The following ASIC2 variants were observed in gnomAD, a reference collection of about 807,000 sequenced individuals.
The protein encoded by ASIC2 is acid-sensing ion channel 2.
A neutral mutation model predicts 57.3 loss-of-function variants in ASIC2; 25 were observed. The ratio of observed to expected loss-of-function variants is 0.44; its 90% confidence interval spans 0.32 to 0.61. The LOEUF (loss-of-function observed/expected upper bound fraction) is 0.61. ASIC2 is among the 20% of genes least tolerant of loss of function. ASIC2 has a pLI of 0.06. For synonymous variants in ASIC2, 319 were observed against 307.5 expected (o/e 1.04, Z -0.39); for missense variants, 641 against 738.1 (o/e 0.87, Z 1.52).
chr17:34,067,120 A>G (rs1007109959), intron 1 of ASIC2, among the ~76,000 whole-genome samples: 3 of 152,202 alleles, frequency 2.0e-5, no homozygotes, highest in Non-Finnish European at 2.9e-5. Context: ...ACATTGTGTC[A>G]CATTTCTTTG....
At chr17:34,035,247 C>G (rs1395990968) in intron 1 of ASIC2, among the ~76,000 whole-genome samples, 2 of 145,054 alleles carry the variant, frequency 1.4e-5, no homozygotes, top group Admixed American at 6.8e-5. Context: ...CTGACAGAAA[C>G]AAGCAATGGG....
At chr17:33,882,683 T>C (rs1914733703) in intron 1 of ASIC2, among the ~76,000 whole-genome samples, 1 of 152,184 alleles carries the variant, frequency 6.6e-6, no homozygotes, top group Non-Finnish European at 1.5e-5. Context: ...AGTTCAACCA[T>C]TGTGGAAGAC....
intron 1 of ASIC2, chr17:34,006,899 G>A (rs1264328576): frequency 6.6e-6 from 1 of 152,098 alleles, no homozygotes; most frequent in African/African-American, 2.4e-5. Context: ...ATTTGGTCAA[G>A]GTCTACTCTG....
At chr17:33,781,607 A>G (rs571232849) in intron 1 of ASIC2, among the ~76,000 whole-genome samples, 1 of 152,320 alleles carries the variant, frequency 6.6e-6, no homozygotes, top group Non-Finnish European at 1.5e-5. Context: ...TTTCAAGGAC[A>G]CAGAGCGAAC....
chr17:33,987,206 G>T (rs1905847855), intron 1 of ASIC2, among the ~76,000 whole-genome samples: 1 of 152,090 alleles, frequency 6.6e-6, no homozygotes, highest in Non-Finnish European at 1.5e-5. Context: ...GTCAGGCAAG[G>T]TGCAGTTTTG....
intron 1 of ASIC2, among the ~76,000 whole-genome samples, chr17:33,560,707 A>G (rs1212035968): frequency 6.6e-6 from 1 of 152,208 alleles, no homozygotes; most frequent in East Asian, 1.9e-4. Context: ...CAGGAGACAG[A>G]AATTCACATT....
chr17:33,133,329 T>A (rs2142009152), intron 1 of ASIC2, among the ~76,000 whole-genome samples: 1 of 152,236 alleles, frequency 6.6e-6, no homozygotes, highest in East Asian at 1.9e-4. Context: ...GTGAGCGTGC[T>A]GGCGGAATTG....
intron 1 of ASIC2, among the ~76,000 whole-genome samples, chr17:33,865,770 A>C (rs867224253): frequency 0.18 from 15,341 of 83,976 alleles, 912 homozygotes; most frequent in Admixed American, 0.25. Context: ...AAAAAAAAAA[A>C]ACAAAAAAAA....
intron 1 of ASIC2, among the ~76,000 whole-genome samples, chr17:33,723,781 C>G: frequency 6.6e-6 from 1 of 152,154 alleles, no homozygotes; most frequent in East Asian, 1.9e-4. Flanking sequence ...GTTCTTTGTT[C>G]TGGATGGTGG....
chr17:33,536,090 A>G (rs1915219232), intron 1 of ASIC2, among the ~76,000 whole-genome samples: 1 of 152,226 alleles, frequency 6.6e-6, no homozygotes, highest in Non-Finnish European at 1.5e-5. Context: ...CCCTAGCCCA[A>G]GAGCAAAAGT....
intron 1 of ASIC2, among the ~76,000 whole-genome samples, chr17:33,829,314 C>G (rs1252222403): frequency 6.6e-6 from 1 of 152,190 alleles, no homozygotes; most frequent in Non-Finnish European, 1.5e-5. Context: ...AGCTTTGTCT[C>G]TTTTCCTTGT....
chr17:33,716,561 C>G (rs1909225391), intron 1 of ASIC2, among the ~76,000 whole-genome samples: 1 of 152,250 alleles, frequency 6.6e-6, no homozygotes, highest in African/African-American at 2.4e-5. Context: ...GTCATCAACT[C>G]TCCGTCTTTG....
At chr17:33,759,922 C>T (rs1910729541) in intron 1 of ASIC2, among the ~76,000 whole-genome samples, 1 of 152,164 alleles carries the variant, frequency 6.6e-6, no homozygotes, top group African/African-American at 2.4e-5. Context: ...ACCACAAAGT[C>T]CCCACTAGGG....
intron 1 of ASIC2, among the ~76,000 whole-genome samples, chr17:34,087,741 T>C (rs571988294): frequency 6.6e-6 from 1 of 152,024 alleles, no homozygotes; most frequent in East Asian, 1.9e-4. Flanking sequence ...GTTCATTTCT[T>C]TTTATTCTTG....
intron 1 of ASIC2, among the ~76,000 whole-genome samples, chr17:33,718,158 T>C (rs1003982267): frequency 1.3e-5 from 2 of 151,832 alleles, no homozygotes; most frequent in African/African-American, 4.9e-5. Context: ...CATGCTCCTG[T>C]ATGCTTTAAA....
chr17:33,448,285 A>C (rs1912111600), intron 1 of ASIC2, among the ~76,000 whole-genome samples: 1 of 152,124 alleles, frequency 6.6e-6, no homozygotes, highest in Non-Finnish European at 1.5e-5. Context: ...TGCTACCTTC[A>C]TTAGAATGTG....
intron 1 of ASIC2, among the ~76,000 whole-genome samples, chr17:33,278,841 C>T (rs747658221): frequency 9.9e-5 from 15 of 152,124 alleles, no homozygotes; most frequent in Non-Finnish European, 1.8e-4. Flanking sequence ...CAAGGCACAG[C>T]GTTAGGTGCT....
chr17:33,305,616 G>A (rs981796454), intron 1 of ASIC2, among the ~76,000 whole-genome samples: 20 of 152,262 alleles, frequency 1.3e-4, no homozygotes, highest in Admixed American at 2.6e-4. Flanking sequence ...AAATAGTCCC[G>A]AATCTTTTAG....
At chr17:34,011,765 C>T (rs59538469) in intron 1 of ASIC2, among the ~76,000 whole-genome samples, 14,469 of 152,208 alleles carry the variant, frequency 0.095, 926 homozygotes, top group East Asian at 0.31. Context: ...TTTTAAGTAG[C>T]ATCTGACCCC....
Sources: gnomAD v4.1 joint callset for allele counts (sites outside exome capture counted in the v4.1 genomes callset) on GRCh38, gnomAD v4.1.1 for gene constraint, MANE v1.5 for transcripts, NCBI Gene and HGNC (gene_info 2026-07-23, HGNC 2026-07-21) for gene names.